Variants in LYPD6 observed in about 807,000 individuals in gnomAD.
The protein encoded by LYPD6 is LY6/PLAUR domain containing 6, also known as ly6/PLAUR domain-containing protein 6.
A neutral mutation model predicts 22.7 loss-of-function variants in LYPD6; 15 were observed. The observed-to-expected ratio is 0.66, with a 90% CI of 0.44 to 1.02. The LOEUF is 1.02. Ranked by LOEUF, LYPD6 falls within the 50% of genes least tolerant of loss-of-function variation. The probability of loss-of-function intolerance (pLI) is 0.00; values close to 1 mark genes in which losing one functional copy is unlikely to be tolerated. For missense variants in LYPD6, 189 were observed against 208.4 expected (o/e 0.91, Z 0.57); for synonymous variants, 72 against 77.5 (o/e 0.93, Z 0.37).
At chr2:149,402,009 G>T (rs1682567350) in intron 1 of LYPD6, among the ~76,000 whole-genome samples, 2 of 152,082 alleles carry the variant, frequency 1.3e-5, no homozygotes, top group East Asian at 3.9e-4. Flanking sequence ...ATAGTCTCTG[G>T]ATACCTAATT....
chr2:149,372,124 A>G (rs867469336), intron 1 of LYPD6, among the ~76,000 whole-genome samples: 20 of 152,232 alleles, frequency 1.3e-4, no homozygotes, highest in African/African-American at 3.1e-4. Context: ...TATGGCTTGA[A>G]AATAGAGATT....
intron 1 of LYPD6, among the ~76,000 whole-genome samples, chr2:149,390,306 T>A (rs889112697): frequency 6.6e-6 from 1 of 152,216 alleles, no homozygotes; most frequent in African/African-American, 2.4e-5. Flanking sequence ...TGATCTCTTT[T>A]CCATCCTTTG....
intron 1 of LYPD6, among the ~76,000 whole-genome samples, chr2:149,424,557 T>C (rs1050514025): frequency 2.6e-5 from 4 of 152,160 alleles, no homozygotes; most frequent in Non-Finnish European, 2.9e-5. Context: ...TGTAGCCACC[T>C]TAGATAGGTA....
At chr2:149,443,495 T>C (rs1683613303) in intron 2 of LYPD6, among the ~76,000 whole-genome samples, 1 of 152,214 alleles carries the variant, frequency 6.6e-6, no homozygotes, top group African/African-American at 2.4e-5. Context: ...ATGCTTTGTA[T>C]CTTTTTTTTT....
chr2:149,435,697 G>A (rs996069475), intron 1 of LYPD6, among the ~76,000 whole-genome samples: 6 of 152,228 alleles, frequency 3.9e-5, no homozygotes, highest in Admixed American at 3.9e-4. Context: ...CAAGTGCCCA[G>A]CACAGTGCCT....
In LYPD6 at chr2:149,437,794, C is replaced by T. The variant is rs1683467613; in HGVS notation, c.86C>T (p.Thr29Ile). The T allele has an allele frequency of 6.2e-7, 1 of 1,614,048 alleles. No individual in the cohort carries two copies. Among genetic ancestry groups the T allele is most frequent in the South Asian group, 1.1e-5 (1 of 91,082 alleles). The change falls in exon 2 of 5, where the codon ACA becomes ATA. Residue 29 changes from threonine to isoleucine, a missense_variant. Thr to Ile is a moderately conservative substitution (Grantham distance 89). Transcript: ENST00000334166. ...CLKAAQSRDFTVKDIIYLHPS... is the reference protein window; with the variant it reads ...CLKAAQSRDFIVKDIIYLHPS... The stretch of plus-strand genomic sequence containing the variant: ...AAAGCTGCTCAGTCCCGAGACTTCA[C>T]AGTGAAAGACATTATCTACCTCCAT...
chr2:149,424,604 T>C (rs1434306823), intron 1 of LYPD6, among the ~76,000 whole-genome samples: 1 of 152,146 alleles, frequency 6.6e-6, no homozygotes, highest in Non-Finnish European at 1.5e-5. Context: ...GGTTTCTAAT[T>C]GATCTGGTGT....
chr2:149,427,507 C>G (rs913627379), intron 1 of LYPD6, among the ~76,000 whole-genome samples: 27 of 152,184 alleles, frequency 1.8e-4, no homozygotes, highest in African/African-American at 6.5e-4. Context: ...TTGAAAATGC[C>G]TTCTTGTCAG....
At chr2:149,483,323 G>A in the LYPD6 span, among the ~76,000 whole-genome samples, 2 of 152,198 alleles carry the variant, frequency 1.3e-5, no homozygotes, top group Admixed American at 1.3e-4. Flanking sequence ...AAAAAAAGAT[G>A]CTGAAAAATG....
intron 3 of LYPD6, among the ~76,000 whole-genome samples, chr2:149,463,892 G>T (rs1250928151): frequency 2.0e-5 from 3 of 152,032 alleles, no homozygotes; most frequent in Admixed American, 2.0e-4. Flanking sequence ...GAGGGAAGAG[G>T]ATGTGACTAT....
At chr2:149,403,125 T>C (rs1682601025) in intron 1 of LYPD6, among the ~76,000 whole-genome samples, 1 of 152,132 alleles carries the variant, frequency 6.6e-6, no homozygotes, top group Admixed American at 6.5e-5. Context: ...TAATCCAGTC[T>C]ATCATTGTTG....
At chr2:149,346,918 C>T (rs754174126) in intron 1 of LYPD6, among the ~76,000 whole-genome samples, 2 of 152,168 alleles carry the variant, frequency 1.3e-5, no homozygotes, top group Non-Finnish European at 2.9e-5. Context: ...CCAGGATGGT[C>T]TTGATCTCTT....
Position 149,407,465 on chromosome 2 carries a change from C to T in LYPD6, c.-71-30173C>T, listed in dbSNP as rs570696595. On this transcript the variant is annotated intron_variant, in intron 1 of 4. Coordinates refer to ENST00000334166, the MANE Select transcript of LYPD6 (RefSeq NM_194317.5). ...TCTTTTTTCTCTAAACTTCCCTTCT[C>T]GCTTCATTTCATTCATTTGATCTTC... 3.0e-4 allele frequency among the ~76,000 whole-genome samples: 46 copies of T among 152,268 alleles called. No individual in the cohort carries two copies. The East Asian group carries it at 5.0e-3, about 17-fold the overall frequency.
At chr2:149,336,354 G>A (rs1353240187) in intron 1 of LYPD6, among the ~76,000 whole-genome samples, 1 of 152,152 alleles carries the variant, frequency 6.6e-6, no homozygotes, top group Non-Finnish European at 1.5e-5. Flanking sequence ...GAAGATTAAA[G>A]TCAAAATGGA....
At position 149,403,661 on chromosome 2, in the gene LYPD6, A is replaced by G. The variant is rs1344951457; in HGVS notation, c.-71-33977A>G. On this transcript the variant is annotated intron_variant, in intron 1 of 4. Coordinates refer to ENST00000334166, the MANE Select transcript of LYPD6 (RefSeq NM_194317.5). The stretch of plus-strand genomic sequence containing the variant: ...TTTGTCAGATGAGTAGGTTGTGAAA[A>G]TTTTCTCCCATTTTGTAGGTTGCCT... Among the ~76,000 whole-genome samples the G allele has an allele frequency of 4.7e-5, 7 of 150,164 alleles. No individual in the cohort carries two copies. The South Asian group carries it at 6.3e-4, about 14-fold the overall frequency.
At position 149,338,897 on chromosome 2, in the gene LYPD6, G is replaced by A. The variant is rs188152709; in HGVS notation, c.-72+8175G>A. On this transcript the variant is annotated intron_variant, in intron 1 of 4. Coordinates refer to ENST00000334166, the MANE Select transcript of LYPD6 (RefSeq NM_194317.5). ...TTGGCAGAAGAACAGAAAATTTTATGTTGTTTTTACATAAAATCTGGTATA... is the reference window on the plus strand; with the variant it reads ...TTGGCAGAAGAACAGAAAATTTTATATTGTTTTTACATAAAATCTGGTATA... Among the ~76,000 whole-genome samples, 221 of 152,208 alleles carry A rather than the reference G, an allele frequency of 1.5e-3. 1 individual carries two copies. The highest frequency in any genetic ancestry group is 5.1e-3 in the African/African-American group (213 of 41,550).
chr2:149,464,580 C>T (rs547569878), intron 3 of LYPD6: 1 of 153,254 alleles, frequency 6.5e-6, no homozygotes, highest in African/African-American at 2.4e-5. Context: ...ACTTGACACA[C>T]AGCTTCGGGA....
chr2:149,429,004 G>A (rs1683245599), intron 1 of LYPD6, among the ~76,000 whole-genome samples: 1 of 152,096 alleles, frequency 6.6e-6, no homozygotes, highest in South Asian at 2.1e-4. Context: ...TGTTGTTGTT[G>A]TAGTGGTCAT....
At chr2:149,330,412 G>A (rs1187008344), upstream of LYPD6, 7 of 150,688 alleles carry the variant, frequency 4.6e-5, no homozygotes, top group African/African-American at 1.7e-4. Context: ...TGGGCCGCGC[G>A]CGCCGGGCCA....
Sources: allele counts gnomAD v4.1 joint callset (sites outside exome capture counted in the v4.1 genomes callset), GRCh38; gene constraint gnomAD v4.1.1; transcripts MANE v1.5; gene names NCBI Gene and HGNC (gene_info 2026-07-23, HGNC 2026-07-21).